FGGY: variants seen among roughly 807,000 people sequenced by gnomAD.
FGGY encodes the protein FGGY carbohydrate kinase domain-containing protein.
A neutral mutation model predicts 71.3 loss-of-function variants in FGGY; 72 were observed. The observed-to-expected ratio is 1.01, with a 90% CI of 0.84 to 1.23. FGGY has a LOEUF of 1.23. Among genes scored for constraint, FGGY ranks in the 50% most tolerant of loss-of-function variants. FGGY has a pLI of 0.00. For synonymous variants in FGGY, 251 were observed against 250.3 expected, an observed-to-expected ratio of 1.00 and a Z score of -0.02; for missense variants, 668 against 682.3, an observed-to-expected ratio of 0.98 and a Z score of 0.23.
intron 14 of FGGY, among the ~76,000 whole-genome samples, chr1:59,701,857 G>T (rs1335407310): frequency 6.6e-6 from 1 of 152,138 alleles, no homozygotes; most frequent in Non-Finnish European, 1.5e-5. Flanking sequence ...GAATGAATGA[G>T]TACATGAATG....
At chr1:59,475,718 G>A (rs1232764518) in intron 6 of FGGY, among the ~76,000 whole-genome samples, 2 of 152,174 alleles carry the variant, frequency 1.3e-5, no homozygotes, top group African/African-American at 4.8e-5. Context: ...CCGGAATGAG[G>A]CATTCCTGCC....
At chr1:59,572,673 C>T (rs966028278) in intron 8 of FGGY, among the ~76,000 whole-genome samples, 1 of 151,942 alleles carries the variant, frequency 6.6e-6, no homozygotes, top group Admixed American at 6.6e-5. Context: ...GATGAGATGT[C>T]GATATATTGG....
chr1:59,568,782 A>T (rs2095926144), intron 8 of FGGY, among the ~76,000 whole-genome samples: 1 of 152,244 alleles, frequency 6.6e-6, no homozygotes, highest in African/African-American at 2.4e-5. Context: ...CCATGAGCCT[A>T]AACTCCTTGA....
At chr1:59,736,797 C>G (rs2098109101) in intron 14 of FGGY, among the ~76,000 whole-genome samples, 1 of 152,244 alleles carries the variant, frequency 6.6e-6, no homozygotes, top group Admixed American at 6.5e-5. Flanking sequence ...AGGAGGAAGT[C>G]AAGCCAGCTG....
At chr1:59,465,185 C>G (rs2092539377) in intron 6 of FGGY, among the ~76,000 whole-genome samples, 1 of 152,186 alleles carries the variant, frequency 6.6e-6, no homozygotes, top group African/African-American at 2.4e-5. Flanking sequence ...GGTTTCACCC[C>G]TGGGATGTAA....
chr1:59,621,569 C>A (rs527845036), intron 9 of FGGY, among the ~76,000 whole-genome samples: 1 of 150,560 alleles, frequency 6.6e-6, no homozygotes, highest in East Asian at 1.9e-4. Context: ...TTATATGCTG[C>A]CTTGAAAGAT....
chr1:59,446,272 T>C lies in FGGY; in HGVS notation c.555-10689T>C, dbSNP rs757686082. Among the ~76,000 whole-genome samples, 270 of 152,348 alleles carry C rather than the reference T, an allele frequency of 1.8e-3. 3 individuals are homozygous for C. The highest frequency in any genetic ancestry group is 3.3e-3 in the Admixed American group (50 of 15,306). The stretch of plus-strand genomic sequence containing the variant: ...TTTCTGACTCTTAGATCTCTTTCTT[T>C]TGGTGGCATGGGAAAATTCCCTCAA... On this transcript the variant is annotated intron_variant, in intron 5 of 15. Coordinates refer to ENST00000303721, the MANE Select transcript of FGGY (RefSeq NM_018291.5).
chr1:59,444,613 G>A (rs935649820), intron 5 of FGGY, among the ~76,000 whole-genome samples: 2 of 152,078 alleles, frequency 1.3e-5, no homozygotes, highest in Non-Finnish European at 1.5e-5. Flanking sequence ...TGAGGTGGGC[G>A]GTGGGCTAGT....
intron 2 of FGGY, among the ~76,000 whole-genome samples, chr1:59,326,228 C>T (rs746527951): frequency 3.9e-5 from 6 of 152,098 alleles, no homozygotes; most frequent in African/African-American, 9.7e-5. Context: ...ATAGAGGAGA[C>T]GTATACAAGA....
intron 14 of FGGY, among the ~76,000 whole-genome samples, chr1:59,725,572 T>C (rs1263043927): frequency 6.6e-6 from 1 of 152,186 alleles, no homozygotes; most frequent in East Asian, 1.9e-4. Context: ...ATATAGATTC[T>C]GTGTACTTTT....
chr1:59,492,917 A>G (rs2093913353), intron 6 of FGGY, among the ~76,000 whole-genome samples: 1 of 152,144 alleles, frequency 6.6e-6, no homozygotes, highest in South Asian at 2.1e-4. Context: ...CAATCAATTA[A>G]GGCTTCAGGT....
intron 2 of FGGY, among the ~76,000 whole-genome samples, chr1:59,328,678 C>T (rs1018537239): frequency 6.6e-6 from 1 of 152,194 alleles, no homozygotes; most frequent in Non-Finnish European, 1.5e-5. Context: ...GCCTACTTGA[C>T]TAAGCTTAAT....
At chr1:59,319,663 C>A (rs1439999427) in intron 1 of FGGY, among the ~76,000 whole-genome samples, 1 of 152,166 alleles carries the variant, frequency 6.6e-6, no homozygotes, top group Non-Finnish European at 1.5e-5. Flanking sequence ...CAGCCTTTAG[C>A]AGCTGGGGGC....
intron 14 of FGGY, among the ~76,000 whole-genome samples, chr1:59,706,165 C>T (rs1174539515): frequency 6.6e-6 from 1 of 152,158 alleles, no homozygotes; most frequent in Non-Finnish European, 1.5e-5. Flanking sequence ...GAATAAATTT[C>T]CCCTGCCTTT....
intron 14 of FGGY, among the ~76,000 whole-genome samples, chr1:59,715,109 T>A (rs2097834771): frequency 6.6e-6 from 1 of 152,170 alleles, no homozygotes; most frequent in African/African-American, 2.4e-5. Context: ...AGAAATGCAT[T>A]TGAACTTGCT....
At chr1:59,620,130 A>G (rs948812363) in intron 9 of FGGY, among the ~76,000 whole-genome samples, 1 of 151,972 alleles carries the variant, frequency 6.6e-6, no homozygotes, top group Non-Finnish European at 1.5e-5. Flanking sequence ...GATGGTAGTA[A>G]CTGATCCCCA....
At chr1:59,355,012 G>A (rs903386572) in intron 4 of FGGY, among the ~76,000 whole-genome samples, 3 of 152,234 alleles carry the variant, frequency 2.0e-5, no homozygotes, top group African/African-American at 7.2e-5. Flanking sequence ...GCGTAGGAGG[G>A]GGTTTGGCGA....
At chr1:59,362,152 T>C (rs1433115688) in intron 4 of FGGY, among the ~76,000 whole-genome samples, 1 of 152,198 alleles carries the variant, frequency 6.6e-6, no homozygotes, top group Non-Finnish European at 1.5e-5. Context: ...CCCATTCTTT[T>C]TGGTCTCTTT....
intron 6 of FGGY, among the ~76,000 whole-genome samples, chr1:59,502,653 G>A (rs1359849549): frequency 6.6e-6 from 1 of 152,180 alleles, no homozygotes; most frequent in Non-Finnish European, 1.5e-5. Context: ...GCAGGATGGT[G>A]CTGCCATAGC....
Sources: allele counts gnomAD v4.1 joint callset (sites outside exome capture counted in the v4.1 genomes callset), GRCh38; gene constraint gnomAD v4.1.1; transcripts MANE v1.5; gene names NCBI Gene and HGNC (gene_info 2026-07-23, HGNC 2026-07-21).